PJA2: variants seen among roughly 807,000 people sequenced by gnomAD.
The protein encoded by PJA2 is E3 ubiquitin-protein ligase Praja-2.
PJA2 carries 25 observed loss-of-function variants against 69.3 expected under a neutral mutation model. That is an observed-to-expected ratio of 0.36 (90% confidence interval 0.26 to 0.50). The LOEUF is 0.50. Ranked by LOEUF, PJA2 falls within the 20% of genes least tolerant of loss-of-function variation. The probability of loss-of-function intolerance (pLI) is 0.96; values close to 1 mark genes in which losing one functional copy is unlikely to be tolerated. For synonymous variants in PJA2, 308 were observed against 277.8 expected (o/e 1.11, Z -1.08); for missense variants, 809 against 830.2 (o/e 0.97, Z 0.31).
chr5:109,357,902 G>A (rs116245087), intron 6 of PJA2, among the ~76,000 whole-genome samples: 4,640 of 152,314 alleles, frequency 0.03, 92 homozygotes, highest in Middle Eastern at 0.048. Context: ...TCTCCAGGCT[G>A]AGCAAATCTA....
Position 109,381,658 on chromosome 5 carries a change from C to A in PJA2, c.77G>T (p.Gly26Val). 1 of 1,614,048 alleles carries A rather than the reference C, an allele frequency of 6.2e-7. No homozygotes were observed. Among genetic ancestry groups the A allele is most frequent in the East Asian group, 2.2e-5 (1 of 44,874 alleles). The change falls in exon 3 of 10, where the codon GGA becomes GTA. Residue 26 changes from glycine to valine, a missense_variant. By Grantham distance (109) the Gly-to-Val change is moderately radical. Coordinates refer to ENST00000361189, the MANE Select transcript of PJA2 (RefSeq NM_014819.5). ...CCTGCCTGTAATTGTCTGATACCCT[C>A]CTGCTGGTTTGGGCCAGACAGCCTT... ...SGKAVWPKPA[G>V]GYQTITGRRY...
chr5:109,398,720 T>C (rs1747473383), intron 1 of PJA2, among the ~76,000 whole-genome samples: 1 of 151,600 alleles, frequency 6.6e-6, no homozygotes, highest in African/African-American at 2.4e-5. Context: ...GGCACATGTA[T>C]ACATATGTAA....
At chr5:109,393,051 T>C (rs1388007505) in intron 1 of PJA2, among the ~76,000 whole-genome samples, 1 of 151,954 alleles carries the variant, frequency 6.6e-6, no homozygotes, top group Admixed American at 6.6e-5. Context: ...ATTCAGAGAC[T>C]GAAAAGGAAA....
intron 1 of PJA2, among the ~76,000 whole-genome samples, chr5:109,388,667 T>C (rs11742376): frequency 0.05 from 7,603 of 152,218 alleles, 199 homozygotes; most frequent in African/African-American, 0.072. Context: ...AAAGTATCTT[T>C]TCTAGAAAAA....
At chr5:109,346,175 A>G (rs1260352950) in intron 7 of PJA2, among the ~76,000 whole-genome samples, 8 of 152,196 alleles carry the variant, frequency 5.3e-5, no homozygotes, top group African/African-American at 1.9e-4. Flanking sequence ...CCGTTTAATT[A>G]TTACTTGTTA....
At chr5:109,383,109 T>C (rs1747088080) in intron 2 of PJA2, among the ~76,000 whole-genome samples, 1 of 152,066 alleles carries the variant, frequency 6.6e-6, no homozygotes, top group South Asian at 2.1e-4. Context: ...TGTCTAATAA[T>C]CCAAAAGTAT....
At chr5:109,404,808 A>C (rs1747645107) in intron 1 of PJA2, among the ~76,000 whole-genome samples, 1 of 152,212 alleles carries the variant, frequency 6.6e-6, no homozygotes, top group South Asian at 2.1e-4. Context: ...TTTGGAAGGG[A>C]CATAAGCATT....
At chr5:109,381,980 C>G (rs186984964) in intron 2 of PJA2, among the ~76,000 whole-genome samples, 1 of 151,812 alleles carries the variant, frequency 6.6e-6, no homozygotes, top group Non-Finnish European at 1.5e-5. Flanking sequence ...ATAATGAAAC[C>G]TATCAAAAAA....
At chr5:109,395,079 A>C (rs924052901) in intron 1 of PJA2, among the ~76,000 whole-genome samples, 1 of 152,242 alleles carries the variant, frequency 6.6e-6, no homozygotes, top group Admixed American at 6.5e-5. Flanking sequence ...ACCCGGCAGA[A>C]GCAAAGCTAA....
In PJA2 at chr5:109,368,674, G is replaced by T. The variant is rs1355703077; in HGVS notation, c.1356C>A (p.Ser452=). The part of the protein sequence containing the change: ...HRFSGTEKDQ[S]SSDESWETLP... ...GAGTCTCCCAGCTTTCATCACTTGAGGATTGATCTTTTTCTGTACCAGAAA... is the reference window on the plus strand; with the variant it reads ...GAGTCTCCCAGCTTTCATCACTTGATGATTGATCTTTTTCTGTACCAGAAA... The change falls in exon 5 of 10, where the codon TCC becomes TCA. Residue 452 remains serine (S), a synonymous_variant. Transcript: ENST00000361189. 1.2e-6 allele frequency: 2 copies of T among 1,614,048 alleles called. No individual in the cohort carries two copies. Among genetic ancestry groups the T allele is most frequent in the East Asian group, 2.2e-5 (1 of 44,864 alleles).
In PJA2 at chr5:109,401,978, T is replaced by C. The variant is rs923716082; in HGVS notation, c.-88+7864A>G. Among the ~76,000 whole-genome samples the C allele has an allele frequency of 5.9e-5, 9 of 152,206 alleles. No homozygotes were observed. The South Asian group carries it at 1.2e-3, about 21-fold the overall frequency. On this transcript the variant is annotated intron_variant, in intron 1 of 9. Coordinates refer to ENST00000361189, the MANE Select transcript of PJA2 (RefSeq NM_014819.5). ...AAAAGATAAGGAGAAATTGTAAATA[T>C]ACATTGTAAATATACTGTTGTAAAG... is the stretch of plus-strand genomic sequence containing the variant.
At chr5:109,356,506 GAA>G in intron 6 of PJA2, among the ~76,000 whole-genome samples, 1 of 152,164 alleles carries the variant, frequency 6.6e-6, no homozygotes, top group East Asian at 1.9e-4. Context: ...CAAAATCTAG[GAA>G]AAGAATCCCA....
At chr5:109,373,307 C>A (rs914662347) in intron 4 of PJA2, among the ~76,000 whole-genome samples, 3 of 152,034 alleles carry the variant, frequency 2.0e-5, no homozygotes, top group Middle Eastern at 3.2e-3. Flanking sequence ...AGGGAAGCAA[C>A]CTGTGAGTAA....
At chr5:109,392,369 T>G (rs1026098036) in intron 1 of PJA2, among the ~76,000 whole-genome samples, 1 of 152,026 alleles carries the variant, frequency 6.6e-6, no homozygotes, top group Non-Finnish European at 1.5e-5. Flanking sequence ...GAGACCAGCC[T>G]GGCCAATATG....
At chr5:109,352,433 G>C (rs1301286365) in intron 7 of PJA2, among the ~76,000 whole-genome samples, 2 of 152,158 alleles carry the variant, frequency 1.3e-5, no homozygotes, top group Non-Finnish European at 2.9e-5. Flanking sequence ...GAGTTATTTA[G>C]CACAACGAAA....
chr5:109,374,518 T>C (rs531610021), intron 4 of PJA2, among the ~76,000 whole-genome samples: 3 of 115,810 alleles, frequency 2.6e-5, no homozygotes, highest in East Asian at 1.9e-4. Context: ...ATAAAGCTAG[T>C]GAACCTTGTG....
At chr5:109,390,672 T>G (rs530707976) in intron 1 of PJA2, 1 of 151,948 alleles carries the variant, frequency 6.6e-6, no homozygotes, top group South Asian at 2.1e-4. Context: ...CGTTCTTGAA[T>G]TCCTTGGTAA....
intron 6 of PJA2, among the ~76,000 whole-genome samples, chr5:109,360,590 T>C (rs1762489829): frequency 6.6e-6 from 1 of 152,176 alleles, no homozygotes; most frequent in South Asian, 2.1e-4. Flanking sequence ...CTTTAGACGC[T>C]GCCACATAAA....
Position 109,378,270 on chromosome 5 carries a change from T to C in PJA2, c.1217A>G (p.Glu406Gly), listed in dbSNP as rs1346784079. 11 of 1,614,104 alleles carry C rather than the reference T, an allele frequency of 6.8e-6. No homozygotes were observed. The highest frequency in any genetic ancestry group is 9.3e-6 in the Non-Finnish European group (11 of 1,179,960). Reference sequence around the variant, plus strand: ...GCCATTCCAAAAGGTGTTATCCACCTCTTGCCTTCCTGCTGTGGCTCCACT... The same window carrying C: ...GCCATTCCAAAAGGTGTTATCCACCCCTTGCCTTCCTGCTGTGGCTCCACT... ...SESGATAGRQ[E>G]VDNTFWNGCG... Residue 406 changes from glutamate (E) to glycine (G), a missense_variant, in exon 4 of 10, where the codon GAG (glutamate) becomes GGG (glycine). Glu to Gly is a moderately conservative substitution (Grantham distance 98, BLOSUM62 -2). Coordinates refer to ENST00000361189, the MANE Select transcript of PJA2 (RefSeq NM_014819.5).
Sources: gnomAD v4.1 joint callset for allele counts (sites outside exome capture counted in the v4.1 genomes callset) on GRCh38, gnomAD v4.1.1 for gene constraint, MANE v1.5 for transcripts, NCBI Gene and HGNC (gene_info 2026-07-23, HGNC 2026-07-21) for gene names.